The following FGGY variants were observed in gnomAD, a reference collection of about 807,000 sequenced individuals.
FGGY encodes FGGY carbohydrate kinase domain containing, also known as FGGY carbohydrate kinase domain-containing protein.
FGGY carries 72 observed loss-of-function variants against 71.3 expected under a neutral mutation model. The observed-to-expected ratio is 1.01, with a 90% CI of 0.84 to 1.23. FGGY has a LOEUF of 1.23. FGGY is among the 50% of genes most tolerant of loss of function. The pLI is 0.00. For synonymous variants in FGGY, 251 were observed against 250.3 expected, an observed-to-expected ratio of 1.00 and a Z score of -0.02; for missense variants, 668 against 682.3, an observed-to-expected ratio of 0.98 and a Z score of 0.23.
At chr1:59,520,893 G>A (rs1262489473) in intron 7 of FGGY, among the ~76,000 whole-genome samples, 1 of 152,164 alleles carries the variant, frequency 6.6e-6, no homozygotes, top group Non-Finnish European at 1.5e-5. Context: ...TTTCTGCCAA[G>A]TAGGCAGATC....
intron 14 of FGGY, among the ~76,000 whole-genome samples, chr1:59,679,248 C>A (rs1261793860): frequency 6.6e-6 from 1 of 152,062 alleles, no homozygotes; most frequent in Non-Finnish European, 1.5e-5. Flanking sequence ...ATTTCAGAGC[C>A]TATGATTTTT....
At chr1:59,577,999 A>AT (rs1329294729) in intron 8 of FGGY, among the ~76,000 whole-genome samples, 1 of 152,144 alleles carries the variant, frequency 6.6e-6, no homozygotes, top group East Asian at 1.9e-4. Flanking sequence ...CAGACCACCT[A>AT]TGCAGAGCTT....
intron 2 of FGGY, among the ~76,000 whole-genome samples, chr1:59,332,434 TAGTGTGACTCTGAC>T (rs2048675333): frequency 1.3e-5 from 2 of 152,128 alleles, no homozygotes; most frequent in Non-Finnish European, 2.9e-5. Context: ...GCCTTCTGGG[TAGTGTGACTCTGAC>T]AGTCATCTTT....
At chr1:59,550,148 T>C (rs1442180957) in intron 7 of FGGY, among the ~76,000 whole-genome samples, 2 of 152,180 alleles carry the variant, frequency 1.3e-5, no homozygotes, top group East Asian at 3.8e-4. Flanking sequence ...TTAAACATTT[T>C]GAGGATTGCA....
At position 59,638,211 on chromosome 1, in the gene FGGY, A is replaced by G; in HGVS notation, c.1074-17A>G. The G allele has an allele frequency of 6.2e-7, 1 of 1,610,592 alleles. No homozygotes were observed. Among genetic ancestry groups the G allele is most frequent in the Non-Finnish European group, 8.5e-7 (1 of 1,178,044 alleles). On this transcript the variant is annotated splice_polypyrimidine_tract_variant and intron_variant, in intron 10 of 15. Coordinates refer to ENST00000303721, the MANE Select transcript of FGGY (RefSeq NM_018291.5). Reference sequence around the variant, plus strand: ...ACCCTATCCCCCCTTTAAAAATAAAATTCACTTCTCTTCCAGATGCCAGAG... The same window carrying G: ...ACCCTATCCCCCCTTTAAAAATAAAGTTCACTTCTCTTCCAGATGCCAGAG...
At chr1:59,364,930 G>C (rs767195281) in intron 4 of FGGY, among the ~76,000 whole-genome samples, 1 of 152,250 alleles carries the variant, frequency 6.6e-6, no homozygotes, top group Non-Finnish European at 1.5e-5. Context: ...TAAGGAATGA[G>C]AGAAGAGGTA....
chr1:59,710,870 G>A (rs912679032), intron 14 of FGGY, among the ~76,000 whole-genome samples: 3 of 152,144 alleles, frequency 2.0e-5, no homozygotes, highest in African/African-American at 7.2e-5. Context: ...AACCTTTGTG[G>A]AAGACAGTGT....
At chr1:59,467,435 T>TA (rs1203836732) in intron 6 of FGGY, among the ~76,000 whole-genome samples, 2 of 152,026 alleles carry the variant, frequency 1.3e-5, no homozygotes, top group Non-Finnish European at 2.9e-5. Flanking sequence ...CAACATGGCA[T>TA]ATGTATACAT....
chr1:59,639,468 G>A (rs1336401781), intron 11 of FGGY, among the ~76,000 whole-genome samples: 4 of 152,174 alleles, frequency 2.6e-5, no homozygotes, highest in African/African-American at 9.7e-5. Flanking sequence ...CAAATCATGA[G>A]CTTGGTGTCC....
At chr1:59,368,263 A>G (rs954039994) in intron 4 of FGGY, among the ~76,000 whole-genome samples, 3 of 152,234 alleles carry the variant, frequency 2.0e-5, no homozygotes, top group Non-Finnish European at 2.9e-5. Flanking sequence ...CAGGATTGAA[A>G]TTGTACGGAA....
At chr1:59,469,259 T>C (rs187209829) in intron 6 of FGGY, among the ~76,000 whole-genome samples, 1 of 152,328 alleles carries the variant, frequency 6.6e-6, no homozygotes, top group Admixed American at 6.5e-5. Context: ...GTTGGGTGAT[T>C]TATAATCAGC....
At chr1:59,468,563 G>C (rs1386713946) in intron 6 of FGGY, among the ~76,000 whole-genome samples, 2 of 152,234 alleles carry the variant, frequency 1.3e-5, no homozygotes, top group Middle Eastern at 3.4e-3. Context: ...TTGTCATGTA[G>C]GCTAAAAATT....
At chr1:59,732,905 C>T (rs774192530) in intron 14 of FGGY, among the ~76,000 whole-genome samples, 25 of 152,176 alleles carry the variant, frequency 1.6e-4, no homozygotes, top group Non-Finnish European at 3.5e-4. Flanking sequence ...ATCACATGGC[C>T]CCCGAGTACC....
chr1:59,464,846 CAAT>C (rs2153530452), intron 6 of FGGY, among the ~76,000 whole-genome samples: 1 of 152,236 alleles, frequency 6.6e-6, no homozygotes, highest in Non-Finnish European at 1.5e-5. Flanking sequence ...CTGAATACAC[CAAT>C]AACAGGCTCT....
intron 4 of FGGY, among the ~76,000 whole-genome samples, chr1:59,373,725 C>A (rs559843308): frequency 6.6e-5 from 10 of 152,182 alleles, no homozygotes; most frequent in Admixed American, 6.5e-4. Context: ...ATCAATGGAA[C>A]AGAACAGAGC....
At chr1:59,647,430 T>C (rs1230868291) in intron 11 of FGGY, among the ~76,000 whole-genome samples, 1 of 152,190 alleles carries the variant, frequency 6.6e-6, no homozygotes, top group Non-Finnish European at 1.5e-5. Context: ...CCATCATTTT[T>C]GCTTGCTATA....
intron 4 of FGGY, among the ~76,000 whole-genome samples, chr1:59,348,384 C>T (rs560633770): frequency 6.6e-6 from 1 of 152,174 alleles, no homozygotes; most frequent in East Asian, 1.9e-4. Flanking sequence ...ATATGGCAAT[C>T]TCTGGTCAAA....
chr1:59,441,201 A>G (rs1187741535), intron 5 of FGGY, among the ~76,000 whole-genome samples: 1 of 152,124 alleles, frequency 6.6e-6, no homozygotes, highest in Non-Finnish European at 1.5e-5. Context: ...ACGTCTATCT[A>G]TCTGCAGTGC....
intron 8 of FGGY, among the ~76,000 whole-genome samples, chr1:59,580,163 T>TA (rs1274724901): frequency 5.9e-5 from 9 of 152,176 alleles, no homozygotes; most frequent in Admixed American, 3.9e-4. Flanking sequence ...TTAACCTCTC[T>TA]ATCCTTCTTT....
Sources: gnomAD v4.1 joint callset for allele counts (sites outside exome capture counted in the v4.1 genomes callset) on GRCh38, gnomAD v4.1.1 for gene constraint, MANE v1.5 for transcripts, NCBI Gene and HGNC (gene_info 2026-07-23, HGNC 2026-07-21) for gene names.